ATP6V0D1: variants seen among roughly 807,000 people sequenced by gnomAD.
The protein encoded by ATP6V0D1 is V-type proton ATPase subunit d 1.
Under a neutral mutation model 39.0 loss-of-function variants are expected in ATP6V0D1, and 13 were observed. The ratio of observed to expected loss-of-function variants is 0.33; its 90% CI spans 0.22 to 0.53. The LOEUF is 0.53. Ranked by LOEUF, ATP6V0D1 falls within the 20% of genes least tolerant of loss-of-function variation. ATP6V0D1 has a pLI of 0.94. For synonymous variants in ATP6V0D1, 191 were observed against 191.2 expected (o/e 1.00, Z 0.01); for missense variants, 272 against 470.9 (o/e 0.58, Z 3.91).
At chr16:67,462,374 G>A (rs902327050) in intron 1 of ATP6V0D1, among the ~76,000 whole-genome samples, 2 of 152,214 alleles carry the variant, frequency 1.3e-5, no homozygotes, top group African/African-American at 2.4e-5. Flanking sequence ...TTATAGAACC[G>A]GCAGGTTGGG....
chr16:67,444,807 T>A lies in ATP6V0D1; in HGVS notation c.303-101A>T. 1 of 1,104,656 alleles carries A rather than the reference T, an allele frequency of 9.1e-7. No individual in the cohort carries two copies. Among genetic ancestry groups the A allele is most frequent in the Non-Finnish European group, 1.3e-6 (1 of 790,248 alleles). The allele number at this position is 1,104,656 out of a possible 1,614,324, so 68.4% of individuals were successfully genotyped here. ...CCCGCCTGCACAGGCCATCACCCCT[T>A]AACAATGTATGCTGACTCATGGGTG... On this transcript the variant is annotated intron_variant, in intron 2 of 7. Transcript: ENST00000290949. This position sits in a 1 kb window ranked among gnomAD's most constrained non-coding sequence, Gnocchi z 4.8.
At position 67,453,852 on chromosome 16, in the gene ATP6V0D1, T is replaced by C. The variant is rs2041209765; in HGVS notation, c.131-137A>G. 3.7e-6 allele frequency: 3 copies of C among 817,812 alleles called. No homozygotes were observed. Among genetic ancestry groups the C allele is most frequent in the South Asian group, 1.7e-5 (1 of 57,454 alleles). The allele number at this position is 817,812 out of a possible 1,614,324, so 50.7% of individuals were successfully genotyped here. A position where few individuals can be genotyped will look rare whatever the true frequency, so the allele number is the denominator to read the frequency against. ...GCTACTACCCTGATCTCCATCTCCC[T>C]GTTGGCTCAGGGCCTACCACAGGGC... On this transcript the variant is annotated intron_variant, in intron 1 of 7. Coordinates refer to ENST00000290949, the MANE Select transcript of ATP6V0D1 (RefSeq NM_004691.5). This position sits in a 1 kb window ranked among gnomAD's most constrained non-coding sequence, Gnocchi z 4.1.
At chr16:67,455,027 T>C (rs1463145870) in intron 1 of ATP6V0D1, 1 of 152,242 alleles carries the variant, frequency 6.6e-6, no homozygotes, top group African/African-American at 2.4e-5. Flanking sequence ...TCCCACCTGA[T>C]ACAGGACACA....
Position 67,456,797 on chromosome 16 carries a change from G to C in ATP6V0D1, c.131-3082C>G, listed in dbSNP as rs1012911072. On this transcript the variant is annotated intron_variant, in intron 1 of 7. Transcript: ENST00000290949. This position sits in a 1 kb window ranked among gnomAD's most constrained non-coding sequence, Gnocchi z 4.1. ...TGACTCCACTATTCCCTGGGACTGGGAGTCTGGACCCCGGTCTGGCCTCCT... is the reference window on the plus strand; with the variant it reads ...TGACTCCACTATTCCCTGGGACTGGCAGTCTGGACCCCGGTCTGGCCTCCT... The C allele has an allele frequency of 1.3e-5, 2 of 152,354 alleles. No homozygotes were observed. The highest frequency in any genetic ancestry group is 4.8e-5 in the African/African-American group (2 of 41,436). The allele number at this position is 152,354 out of a possible 1,614,324, so 9.4% of individuals were successfully genotyped here.
intron 2 of ATP6V0D1, among the ~76,000 whole-genome samples, chr16:67,449,569 G>C (rs1391413924): frequency 2.0e-5 from 3 of 152,232 alleles, no homozygotes; most frequent in Non-Finnish European, 4.4e-5. Context: ...ATCTCACTCA[G>C]GCTGTCGGCC....
intron 1 of ATP6V0D1, among the ~76,000 whole-genome samples, chr16:67,464,906 C>T (rs769397976): frequency 6.6e-6 from 1 of 152,242 alleles, no homozygotes; most frequent in East Asian, 1.9e-4. Flanking sequence ...ATCTGCCCAG[C>T]GGTCCTCAGG....
chr16:67,439,573 G>C (rs1350632363), intron 4 of ATP6V0D1: 3 of 590,034 alleles, frequency 5.1e-6, no homozygotes, highest in Non-Finnish European at 9.1e-6. Flanking sequence ...AGGAGTGCCA[G>C]GGCAGGGCCC....
chr16:67,467,903 G>C (rs2041342890), intron 1 of ATP6V0D1, among the ~76,000 whole-genome samples: 1 of 152,214 alleles, frequency 6.6e-6, no homozygotes, highest in Admixed American at 6.5e-5. Context: ...GGACCCTGGT[G>C]CTATAGCAGG....
rs370698808 is a variant in ATP6V0D1 at position 67,453,759 on chromosome 16, T to A, written c.131-44A>T. ...GGGTAAGGGCTAGCCTTGCTGGGCCTCCCCAAGGGTCCCAAGTCCCCATCC... is the reference window on the plus strand; with the variant it reads ...GGGTAAGGGCTAGCCTTGCTGGGCCACCCCAAGGGTCCCAAGTCCCCATCC... On this transcript the variant is annotated intron_variant, in intron 1 of 7. Transcript: ENST00000290949. The surrounding 1 kb of genome is among the most constrained non-coding windows in gnomAD (Gnocchi z 4.1). The A allele has an allele frequency of 1.3e-6, 2 of 1,590,168 alleles. No homozygotes were observed. Among genetic ancestry groups the A allele is most frequent in the Admixed American group, 1.7e-5 (1 of 59,340 alleles).
At chr16:67,442,978 G>C (rs991856057) in intron 4 of ATP6V0D1, 121 bp downstream of exon 4, 7 of 1,067,928 alleles carry the variant, frequency 6.6e-6, no homozygotes, top group Non-Finnish European at 8.5e-6. Flanking sequence ...GTAAGTCCCT[G>C]GGATAGGAGC....
chr16:67,466,416 G>A (rs964526252), intron 1 of ATP6V0D1, among the ~76,000 whole-genome samples: 9 of 150,526 alleles, frequency 6.0e-5, no homozygotes, highest in African/African-American at 9.8e-5. Context: ...TGTAATCCTA[G>A]TACTCAGGAG....
At chr16:67,449,544 T>C (rs2041154293) in intron 2 of ATP6V0D1, among the ~76,000 whole-genome samples, 1 of 152,232 alleles carries the variant, frequency 6.6e-6, no homozygotes. Flanking sequence ...GACGACAGTC[T>C]ACTTCAGGGG....
intron 1 of ATP6V0D1, among the ~76,000 whole-genome samples, chr16:67,480,198 CAA>C (rs5817621): frequency 6.8e-5 from 2 of 29,582 alleles, no homozygotes; most frequent in Non-Finnish European, 5.6e-5. Flanking sequence ...GACTCCGTCT[CAA>C]AAAAAAAAAA....
Position 67,444,759 on chromosome 16 carries a change from C to T in ATP6V0D1, c.303-53G>A. 1 of 1,496,486 alleles carries T rather than the reference C, an allele frequency of 6.7e-7. No individual in the cohort carries two copies. The highest frequency in any genetic ancestry group is 9.0e-7 in the Non-Finnish European group (1 of 1,114,454). 92.7% of individuals were successfully genotyped at this position (1,496,486 alleles called of 1,614,324 possible). A position where few individuals can be genotyped will look rare whatever the true frequency, so the allele number is the denominator to read the frequency against. ...CCCATCAAGGTGGGGGCCGGGAAGT[C>T]CTGGCATAGCACCATGCCCTCGCCC... On this transcript the variant is annotated intron_variant, in intron 2 of 7. Coordinates refer to ENST00000290949, the MANE Select transcript of ATP6V0D1 (RefSeq NM_004691.5). This position sits in a 1 kb window ranked among gnomAD's most constrained non-coding sequence, Gnocchi z 4.8.
At position 67,479,115 on chromosome 16, in the gene ATP6V0D1, G is replaced by C. The variant is rs1183486081; in HGVS notation, c.130+1842C>G. On this transcript the variant is annotated intron_variant, in intron 1 of 7. Coordinates refer to ENST00000290949, the MANE Select transcript of ATP6V0D1 (RefSeq NM_004691.5). ...GATGCCTACTACCCAGCATCCTAAA[G>C]TGCTCTCCTTCCCCACCTCCACTCA... Among the ~76,000 whole-genome samples, 5 of 152,028 alleles carry C rather than the reference G, an allele frequency of 3.3e-5. 1 individual carries two copies. Among genetic ancestry groups the C allele is most frequent in the Non-Finnish European group, 5.9e-5 (4 of 68,018 alleles).
rs72650134 is a variant in ATP6V0D1 at position 67,438,496 on chromosome 16, A to C, written c.*32T>G. 233 of 1,605,386 alleles carry C rather than the reference A, an allele frequency of 1.5e-4. No individual in the cohort carries two copies. The highest frequency in any genetic ancestry group is 1.8e-4 in the Non-Finnish European group (208 of 1,174,548). ...GCGCACACACACACACACACACACAAAGAGTGCAATTGAGAGCCTTGGGCC... is the reference window on the plus strand; with the variant it reads ...GCGCACACACACACACACACACACACAGAGTGCAATTGAGAGCCTTGGGCC... On this transcript the variant is annotated 3_prime_UTR_variant, in exon 8 of 8. Transcript: ENST00000290949.
chr16:67,443,114 G>A lies in ATP6V0D1; in HGVS notation c.546C>T (p.Arg182=). ...GGGGCATTACCTTGTAGAGGGTGTT[G>A]CGGATGATCTCGATGTTCATCTCGT... ...DLDEMNIEII[R]NTLYKAYLES... The change falls in exon 4 of 8, where the codon CGC becomes CGT. Residue 182 remains arginine, a synonymous_variant. Coordinates refer to ENST00000290949, the MANE Select transcript of ATP6V0D1 (RefSeq NM_004691.5). 6.2e-7 allele frequency: 1 copy of A among 1,613,800 alleles called. No homozygotes were observed. The highest frequency in any genetic ancestry group is 1.7e-4 in the Middle Eastern group (1 of 5,796).
chr16:67,442,235 G>A (rs911782960), intron 4 of ATP6V0D1, among the ~76,000 whole-genome samples: 6 of 152,364 alleles, frequency 3.9e-5, no homozygotes, highest in East Asian at 1.9e-4. Flanking sequence ...CAGCCAGCTC[G>A]CTCCAACCAG....
chr16:67,446,480 G>A (rs1352815558), intron 2 of ATP6V0D1, among the ~76,000 whole-genome samples: 1 of 152,164 alleles, frequency 6.6e-6, no homozygotes, highest in East Asian at 1.9e-4. Context: ...GGGCCCACTT[G>A]CAGCTGCAAG....
Sources: allele counts gnomAD v4.1 joint callset (sites outside exome capture counted in the v4.1 genomes callset), GRCh38; gene constraint gnomAD v4.1.1; non-coding constraint Gnocchi (gnomAD v3.1); transcripts MANE v1.5; gene names NCBI Gene and HGNC (gene_info 2026-07-23, HGNC 2026-07-21).